Variants in NAV2 observed in about 807,000 individuals in gnomAD.
The protein encoded by NAV2 is helicase, APC down-regulated 1.
A neutral mutation model predicts 223.2 loss-of-function variants in NAV2; 54 were observed. That is an observed-to-expected ratio of 0.24 (90% CI 0.19 to 0.30). The LOEUF (loss-of-function observed/expected upper bound fraction) is 0.30, where lower values mean the gene tolerates loss of function less well. Ranked by LOEUF, NAV2 falls within the 10% of genes least tolerant of loss-of-function variation. The pLI is 1.00. For synonymous variants in NAV2, 1,279 were observed against 1,239.3 expected (o/e 1.03, Z -0.67); for missense variants, 2,806 against 3,147.5 (o/e 0.89, Z 2.60).
At chr11:19,843,772 A>C (rs931579531) in intron 3 of NAV2, among the ~76,000 whole-genome samples, 1 of 152,156 alleles carries the variant, frequency 6.6e-6, no homozygotes, top group African/African-American at 2.4e-5. Context: ...AAAAAAAAAA[A>C]AAAAGCTTAA....
chr11:19,348,042 GA>G (rs1484561431), upstream of NAV2, among the ~76,000 whole-genome samples: 2 of 152,080 alleles, frequency 1.3e-5, no homozygotes, highest in African/African-American at 2.4e-5. Flanking sequence ...CTGACTCCTA[GA>G]AAAAAACAAA....
chr11:19,873,239 AC>A (rs958161280), intron 4 of NAV2, among the ~76,000 whole-genome samples: 4 of 152,090 alleles, frequency 2.6e-5, no homozygotes, highest in African/African-American at 9.7e-5. Context: ...TATTAAACTA[AC>A]CTTGATTCCA....
intron 1 of NAV2, among the ~76,000 whole-genome samples, chr11:19,583,674 T>C (rs2045796547): frequency 6.6e-6 from 1 of 152,348 alleles, no homozygotes; most frequent in Non-Finnish European, 1.5e-5. Context: ...ATATGCTGGA[T>C]TACGTTTATT....
intron 1 of NAV2, among the ~76,000 whole-genome samples, chr11:19,451,504 CT>C (rs1349655100): frequency 1.3e-4 from 20 of 152,306 alleles, no homozygotes; most frequent in African/African-American, 4.6e-4. Context: ...CAGCTCTGTG[CT>C]GGGCTCTAAA....
chr11:20,089,018 A>G (rs1315485374), intron 26 of NAV2, among the ~76,000 whole-genome samples: 1 of 152,162 alleles, frequency 6.6e-6, no homozygotes, highest in Non-Finnish European at 1.5e-5. Flanking sequence ...GAAAAAAAAA[A>G]AAAGCATGGT....
intron 1 of NAV2, among the ~76,000 whole-genome samples, chr11:19,409,673 T>A (rs907663446): frequency 1.3e-5 from 2 of 152,182 alleles, no homozygotes; most frequent in African/African-American, 4.8e-5. Context: ...GCAGGCACCA[T>A]GCCCCAGGAT....
chr11:19,722,720 A>G (rs576089253), intron 1 of NAV2, among the ~76,000 whole-genome samples: 38 of 152,330 alleles, frequency 2.5e-4, no homozygotes, highest in African/African-American at 9.1e-4. Flanking sequence ...ACAGTAGTAA[A>G]TAGATATTGA....
At chr11:20,097,836 T>C (rs2061381216) in intron 31 of NAV2, 91 bp downstream of exon 31, 4 of 1,188,360 alleles carry the variant, frequency 3.4e-6, no homozygotes, top group Non-Finnish European at 3.5e-6. Flanking sequence ...CCAGTTTTGT[T>C]TGTGCATGTA....
chr11:19,571,710 AAAG>A (rs2045430408), intron 1 of NAV2, among the ~76,000 whole-genome samples: 1 of 151,500 alleles, frequency 6.6e-6, no homozygotes, highest in Non-Finnish European at 1.5e-5. Flanking sequence ...CCATCTCAAA[AAAG>A]AAAAAAAAAA....
intron 11 of NAV2, among the ~76,000 whole-genome samples, chr11:19,994,116 G>A (rs1270962344): frequency 2.0e-5 from 3 of 152,306 alleles, no homozygotes; most frequent in Non-Finnish European, 2.9e-5. Flanking sequence ...ATAAAATGCA[G>A]GAAATTTCCT....
chr11:19,990,397 G>A (rs1297392976), intron 11 of NAV2, among the ~76,000 whole-genome samples: 2 of 152,108 alleles, frequency 1.3e-5, no homozygotes, highest in East Asian at 3.8e-4. Flanking sequence ...TTCTCTCCTG[G>A]TCTTGGCTAA....
chr11:19,932,869 C>T (rs544775065), intron 6 of NAV2, among the ~76,000 whole-genome samples: 6 of 152,280 alleles, frequency 3.9e-5, no homozygotes, highest in Admixed American at 1.3e-4. Context: ...ATTTCCTACT[C>T]TCTCCTGCAC....
At chr11:19,652,364 T>C (rs1397759412) in intron 1 of NAV2, among the ~76,000 whole-genome samples, 1 of 152,076 alleles carries the variant, frequency 6.6e-6, no homozygotes, top group Non-Finnish European at 1.5e-5. Context: ...TCCCAGCCCC[T>C]CTGCAGAGGT....
At chr11:19,662,080 T>A (rs575755616) in intron 1 of NAV2, among the ~76,000 whole-genome samples, 57 of 152,324 alleles carry the variant, frequency 3.7e-4, no homozygotes, top group African/African-American at 1.3e-3. Flanking sequence ...CAGCCACATG[T>A]CTACTACCTC....
intron 1 of NAV2, among the ~76,000 whole-genome samples, chr11:19,585,194 A>G (rs979451803): frequency 6.6e-6 from 1 of 152,072 alleles, no homozygotes; most frequent in African/African-American, 2.4e-5. Flanking sequence ...AGAGACTAGG[A>G]TTGCAACCCC....
chr11:19,899,196 C>A (rs1371097748), intron 6 of NAV2, among the ~76,000 whole-genome samples: 1 of 152,162 alleles, frequency 6.6e-6, no homozygotes, highest in Non-Finnish European at 1.5e-5. Flanking sequence ...CCTCTTTGTT[C>A]ACTCCTTGTC....
chr11:19,861,036 G>A (rs1460543210), intron 3 of NAV2, among the ~76,000 whole-genome samples: 1 of 143,944 alleles, frequency 6.9e-6, no homozygotes, highest in Non-Finnish European at 1.5e-5. Context: ...AGGGCAGAGG[G>A]AGAGGGAGGG....
intron 1 of NAV2, among the ~76,000 whole-genome samples, chr11:19,483,670 C>T (rs10766562): frequency 0.42 from 63,394 of 151,988 alleles, 13,605 homozygotes; most frequent in East Asian, 0.54. Flanking sequence ...GGCCACGGTG[C>T]GTGATAAGTG....
At chr11:20,091,378 G>A (rs1392007655) in intron 27 of NAV2, among the ~76,000 whole-genome samples, 2 of 152,088 alleles carry the variant, frequency 1.3e-5, no homozygotes, top group Non-Finnish European at 1.5e-5. Context: ...AGATGGAGTC[G>A]CTGACTGCCC....
Sources: allele counts gnomAD v4.1 joint callset (sites outside exome capture counted in the v4.1 genomes callset), GRCh38; gene constraint gnomAD v4.1.1; transcripts MANE v1.5; gene names NCBI Gene and HGNC (gene_info 2026-07-23, HGNC 2026-07-21).